SLC9C2: variants seen among roughly 807,000 people sequenced by gnomAD.
The protein encoded by SLC9C2 is sodium/hydrogen exchanger 11.
A neutral mutation model predicts 140.2 loss-of-function variants in SLC9C2; 75 were observed. The observed-to-expected ratio is 0.53, with a 90% CI of 0.44 to 0.65. SLC9C2 has a LOEUF of 0.65. Ranked by LOEUF, SLC9C2 falls within the 30% of genes least tolerant of loss-of-function variation. SLC9C2 has a pLI of 0.00. For synonymous variants in SLC9C2, 375 were observed against 420.9 expected (o/e 0.89, Z 1.34); for missense variants, 1,074 against 1,331.8 (o/e 0.81, Z 3.01).
At chr1:173,515,768 T>C (rs1250909187) in intron 23 of SLC9C2, among the ~76,000 whole-genome samples, 1 of 152,208 alleles carries the variant, frequency 6.6e-6, no homozygotes, top group Non-Finnish European at 1.5e-5. Context: ...TTCAGTGTTT[T>C]TTCGTTTATT....
At chr1:173,550,744 A>T (rs1333182193) in intron 11 of SLC9C2, among the ~76,000 whole-genome samples, 51 of 143,466 alleles carry the variant, frequency 3.6e-4, no homozygotes, top group African/African-American at 1.0e-3. Context: ...GCCCTGTATC[A>T]TTTTTTTTTT....
intron 13 of SLC9C2, 127 bp from the exon 14 acceptor site, chr1:173,537,166 T>G: frequency 1.5e-6 from 1 of 677,468 alleles, no homozygotes; most frequent in Non-Finnish European, 2.5e-6. Flanking sequence ...TTACAAAAAA[T>G]TATGTAGTAG....
intron 11 of SLC9C2, among the ~76,000 whole-genome samples, chr1:173,553,544 C>A (rs567691443): frequency 6.6e-6 from 1 of 152,346 alleles, no homozygotes; most frequent in African/African-American, 2.4e-5. Context: ...GCTATCAACC[C>A]TGCACCAGCA....
intron 8 of SLC9C2, among the ~76,000 whole-genome samples, chr1:173,576,253 G>A (rs537047555): frequency 7.2e-5 from 11 of 152,290 alleles, no homozygotes; most frequent in Middle Eastern, 6.8e-3. Context: ...ATTACCAGGA[G>A]TAAAGGGTAG....
chr1:173,522,145 C>T (rs566507229), intron 21 of SLC9C2, among the ~76,000 whole-genome samples: 1 of 152,032 alleles, frequency 6.6e-6, no homozygotes, highest in African/African-American at 2.4e-5. Context: ...TGGCGTGAAC[C>T]CGGGAGGTGG....
In SLC9C2 at chr1:173,554,834, ATAGT is replaced by A. The variant is rs1180111324; in HGVS notation, c.1216-24_1216-21del. The A allele has an allele frequency of 6.9e-7, 1 of 1,441,260 alleles. No homozygotes were observed. 89.3% of individuals were successfully genotyped at this position (1,441,260 alleles called of 1,614,324 possible). A position where few individuals can be genotyped will look rare whatever the true frequency, so the allele number is the denominator to read the frequency against. On this transcript the variant is annotated intron_variant, in intron 10 of 27. Coordinates refer to ENST00000367714, the MANE Select transcript of SLC9C2 (RefSeq NM_178527.4). ...TATAAACTAAAAACAAAGCACATAA[ATAGT>A]TAGAACCAAAACATTAAATAAGTTC... is the stretch of plus-strand genomic sequence containing the variant.
At chr1:173,599,663 G>A (rs1309084165) in intron 3 of SLC9C2, among the ~76,000 whole-genome samples, 2 of 151,908 alleles carry the variant, frequency 1.3e-5, no homozygotes, top group Admixed American at 6.6e-5. Flanking sequence ...GAGTGTGGCG[G>A]TGTGATGTCG....
intron 9 of SLC9C2, among the ~76,000 whole-genome samples, chr1:173,564,065 A>G (rs1008850323): frequency 6.6e-5 from 10 of 152,172 alleles, no homozygotes; most frequent in African/African-American, 2.2e-4. Context: ...ATAGTATTCC[A>G]TTGTGTATAT....
At chr1:173,557,549 T>C in intron 9 of SLC9C2, 41 bp from the exon 10 acceptor site, 1 of 1,551,112 alleles carries the variant, frequency 6.4e-7, no homozygotes, top group Non-Finnish European at 8.8e-7. Flanking sequence ...TCACCTTGTT[T>C]ATTAATGTTA....
At chr1:173,521,023 C>T (rs571229819) in intron 22 of SLC9C2, among the ~76,000 whole-genome samples, 5 of 152,214 alleles carry the variant, frequency 3.3e-5, no homozygotes, top group South Asian at 2.1e-4. Flanking sequence ...ATTTAAGCCA[C>T]GCCAAGTATT....
rs1313862517 is a variant in SLC9C2 at position 173,587,780 on chromosome 1, T to C, written c.408A>G (p.Gly136=). The part of the protein sequence containing the change: ...ISFSTASIII[G]YVVIKFNKDS... ...CTTTATTGAATTTTATAACGACATA[T>C]CCAATTATGATGCTTGCTGTAGAAA... Residue 136 remains glycine, a synonymous_variant, in exon 5 of 28, where the codon GGA becomes GGG. Coordinates refer to ENST00000367714, the MANE Select transcript of SLC9C2 (RefSeq NM_178527.4). The C allele has an allele frequency of 2.5e-6, 4 of 1,613,144 alleles. No individual in the cohort carries two copies. The African/African-American group carries it at 5.3e-5, about 22-fold the overall frequency.
rs561695294 is a variant in SLC9C2 at position 173,534,072 on chromosome 1, A to G, written c.1975-275T>C. Among the ~76,000 whole-genome samples, 66 of 152,334 alleles carry G rather than the reference A, an allele frequency of 4.3e-4. No homozygotes were observed. The South Asian group carries it at 0.013, about 30-fold the overall frequency. Reference sequence around the variant, plus strand: ...TTCATTGCAATACTATTAATAATAAAGTATGAAATAGTAATGCTCATAAAT... The same window carrying G: ...TTCATTGCAATACTATTAATAATAAGGTATGAAATAGTAATGCTCATAAAT... On this transcript the variant is annotated intron_variant, in intron 16 of 27. Transcript: ENST00000367714.
intron 9 of SLC9C2, among the ~76,000 whole-genome samples, chr1:173,568,502 T>C (rs1664641506): frequency 6.6e-6 from 1 of 152,224 alleles, no homozygotes; most frequent in South Asian, 2.1e-4. Flanking sequence ...GGTGTATATG[T>C]ATTACATTTT....
chr1:173,526,065 G>A (rs1264039168), intron 19 of SLC9C2, among the ~76,000 whole-genome samples: 1 of 151,996 alleles, frequency 6.6e-6, no homozygotes, highest in Non-Finnish European at 1.5e-5. Context: ...TTTATTAAGG[G>A]CCTTCCATAT....
chr1:173,535,222 ACCTC>A (rs1661856541), intron 15 of SLC9C2, among the ~76,000 whole-genome samples: 1 of 152,076 alleles, frequency 6.6e-6, no homozygotes, highest in African/African-American at 2.4e-5. Context: ...AAGGTTAATG[ACCTC>A]TTAAAATTTA....
chr1:173,592,204 G>C (rs1476206202), intron 4 of SLC9C2, among the ~76,000 whole-genome samples: 1 of 152,028 alleles, frequency 6.6e-6, no homozygotes, highest in Non-Finnish European at 1.5e-5. Flanking sequence ...TTTGGGCTCT[G>C]TATTCTGTTC....
intron 23 of SLC9C2, among the ~76,000 whole-genome samples, chr1:173,516,400 A>G (rs1251681833): frequency 6.6e-6 from 1 of 152,118 alleles, no homozygotes; most frequent in Non-Finnish European, 1.5e-5. Flanking sequence ...TGTACAGATT[A>G]TTTCATCACC....
At chr1:173,513,047 T>C (rs145267559) in intron 23 of SLC9C2, among the ~76,000 whole-genome samples, 3,069 of 152,342 alleles carry the variant, frequency 0.02, 101 homozygotes, top group African/African-American at 0.069. Flanking sequence ...CTGGATTTGG[T>C]TTGCCAGCAT....
At chr1:173,580,628 C>T (rs908542062) in intron 7 of SLC9C2, among the ~76,000 whole-genome samples, 3 of 152,206 alleles carry the variant, frequency 2.0e-5, no homozygotes, top group African/African-American at 7.2e-5. Flanking sequence ...GCTGGGATTA[C>T]AGGCGTGAGC....
Sources: allele counts gnomAD v4.1 joint callset (sites outside exome capture counted in the v4.1 genomes callset), GRCh38; gene constraint gnomAD v4.1.1; transcripts MANE v1.5; gene names NCBI Gene and HGNC (gene_info 2026-07-23, HGNC 2026-07-21).